PDE1C: variants seen among roughly 807,000 people sequenced by gnomAD.
The protein encoded by PDE1C is dual specificity calcium/calmodulin-dependent 3',5'-cyclic nucleotide phosphodiesterase 1C.
Under a neutral mutation model 93.1 loss-of-function variants are expected in PDE1C, and 62 were observed. That is an observed-to-expected ratio of 0.67 (90% CI 0.54 to 0.82). PDE1C has a LOEUF of 0.82. PDE1C is among the 40% of genes least tolerant of loss of function. The pLI, the probability that PDE1C is intolerant of heterozygous loss-of-function variation, is 0.00. For synonymous variants in PDE1C, 325 were observed against 310.1 expected, an observed-to-expected ratio of 1.05 and a Z score of -0.50; for missense variants, 742 against 884.6, an observed-to-expected ratio of 0.84 and a Z score of 2.04.
At chr7:31,959,702 T>C (rs1808650483) in intron 2 of PDE1C, among the ~76,000 whole-genome samples, 1 of 152,152 alleles carries the variant, frequency 6.6e-6, no homozygotes, top group Non-Finnish European at 1.5e-5. Flanking sequence ...AAATAAAGTT[T>C]CCAATTGTTT....
chr7:31,652,003 T>G, the PDE1C span: 1 of 1,605,750 alleles, frequency 6.2e-7, no homozygotes, highest in Non-Finnish European at 8.5e-7. Flanking sequence ...AGAGTTGGAA[T>G]TTCAGTTAGG....
intron 2 of PDE1C, among the ~76,000 whole-genome samples, chr7:31,890,815 A>G (rs1401096894): frequency 1.3e-5 from 2 of 151,510 alleles, no homozygotes; most frequent in Non-Finnish European, 2.9e-5. Context: ...AAGAAAAATT[A>G]TAGGAAAAAA....
intron 16 of PDE1C, among the ~76,000 whole-genome samples, chr7:31,792,538 C>T (rs1784706591): frequency 6.6e-6 from 1 of 151,950 alleles, no homozygotes; most frequent in Non-Finnish European, 1.5e-5. Flanking sequence ...TATGATATGT[C>T]AAAATATTTA....
chr7:31,929,445 A>G (rs1803891431), intron 2 of PDE1C, among the ~76,000 whole-genome samples: 1 of 152,190 alleles, frequency 6.6e-6, no homozygotes. Context: ...GACCTAATAG[A>G]CATCTACAAA....
chr7:32,290,279 G>C (rs901944431), intron 1 of PDE1C, among the ~76,000 whole-genome samples: 1 of 152,194 alleles, frequency 6.6e-6, no homozygotes, highest in African/African-American at 2.4e-5. Flanking sequence ...CAGACTTGCA[G>C]CCGTGCCAGA....
chr7:31,929,522 G>A (rs149357092), intron 2 of PDE1C, among the ~76,000 whole-genome samples: 2 of 151,996 alleles, frequency 1.3e-5, no homozygotes, highest in East Asian at 1.9e-4. Context: ...TCCTAAAATC[G>A]ACCATATATT....
chr7:31,937,015 C>T (rs1805178344), intron 2 of PDE1C, among the ~76,000 whole-genome samples: 1 of 152,090 alleles, frequency 6.6e-6, no homozygotes, highest in South Asian at 2.1e-4. Context: ...GGGGTGCTTC[C>T]AGGTCATAGG....
chr7:31,998,544 T>C (rs1401320347), intron 2 of PDE1C, among the ~76,000 whole-genome samples: 1 of 152,202 alleles, frequency 6.6e-6, no homozygotes. Flanking sequence ...ACTATAAGTT[T>C]ATATTAGTGA....
In PDE1C at chr7:32,260,142, G is replaced by A. The variant is rs574544556; in HGVS notation, c.85+38509C>T. On this transcript the variant is annotated intron_variant, in intron 1 of 18. Coordinates refer to the PDE1C transcript ENST00000396193. ...GGAGACTTCAGTGTTTAGGGTTTTG[G>A]CTTCAGGTTCTGACTCAAAGCAGAA... Among the ~76,000 whole-genome samples, 4 of 152,288 alleles carry A rather than the reference G, an allele frequency of 2.6e-5. No homozygotes were observed. In the South Asian group the frequency reaches 8.3e-4, roughly 32 times the overall value.
chr7:31,753,583 C>T lies in PDE1C; in HGVS notation c.1961-30G>A, dbSNP rs537966020. The T allele has an allele frequency of 7.7e-5, 123 of 1,595,636 alleles. 3 individuals carry two copies. In the South Asian group the frequency reaches 9.3e-4, roughly 12 times the overall value. On this transcript the variant is annotated intron_variant, in intron 17 of 17. Coordinates refer to ENST00000396191, the MANE Select transcript of PDE1C (RefSeq NM_001191057.4). The stretch of plus-strand genomic sequence containing the variant: ...CGGCCATGGAAAGGAAGACAGACAA[C>T]GGTTAGCCTCACCCACGACATGCCA...
intron 17 of PDE1C, among the ~76,000 whole-genome samples, chr7:31,763,789 CT>C (rs1794974825): frequency 6.6e-6 from 1 of 151,944 alleles, no homozygotes; most frequent in Non-Finnish European, 1.5e-5. Flanking sequence ...GGTGGATCTT[CT>C]TATTACAATA....
chr7:31,667,073 C>T, the PDE1C span, among the ~76,000 whole-genome samples: 5 of 151,890 alleles, frequency 3.3e-5, no homozygotes, highest in East Asian at 1.9e-4. Flanking sequence ...GACATGGATA[C>T]GGGGCAGGGG....
intron 16 of PDE1C, among the ~76,000 whole-genome samples, chr7:31,795,083 T>C (rs1013389971): frequency 2.6e-5 from 4 of 151,858 alleles, no homozygotes; most frequent in Non-Finnish European, 5.9e-5. Context: ...TGCCCATCAG[T>C]GGAGAATGCT....
At chr7:32,106,832 T>C (rs898774978) in intron 3 of PDE1C, among the ~76,000 whole-genome samples, 2 of 151,746 alleles carry the variant, frequency 1.3e-5, no homozygotes, top group Admixed American at 6.6e-5. Context: ...AGTAATAAAG[T>C]ATAAAAAACA....
chr7:32,288,320 A>C lies in PDE1C; in HGVS notation c.85+10331T>G, dbSNP rs149846063. On this transcript the variant is annotated intron_variant, in intron 1 of 18. Coordinates refer to the PDE1C transcript ENST00000396193. The stretch of plus-strand genomic sequence containing the variant: ...TGATGTTTGGGAAAGTGCTTTACCA[A>C]TAGTAAAGCCTCTCATTATCATCAG... 4.0e-3 allele frequency among the ~76,000 whole-genome samples: 605 copies of C among 152,306 alleles called. 5 individuals are homozygous for C. Among genetic ancestry groups the C allele is most frequent in the African/African-American group, 0.014 (576 of 41,558 alleles).
the PDE1C span, among the ~76,000 whole-genome samples, chr7:31,679,741 T>G: frequency 6.6e-6 from 1 of 152,214 alleles, no homozygotes; most frequent in Non-Finnish European, 1.5e-5. Context: ...TATTACCATC[T>G]GGTAGCTGGC....
At chr7:32,310,741 G>A (rs1455935597) in intron 1 of PDE1C, among the ~76,000 whole-genome samples, 59 of 151,706 alleles carry the variant, frequency 3.9e-4, no homozygotes, top group African/African-American at 1.1e-3. Context: ...TCTCTGGGAC[G>A]CATTCAAAGC....
chr7:31,658,420 A>G, the PDE1C span: 1 of 1,477,522 alleles, frequency 6.8e-7, no homozygotes, highest in Non-Finnish European at 8.9e-7. Context: ...GAAAATAATC[A>G]GTTTCCAGAG....
rs143165648 is a variant in PDE1C, at chr7:32,374,358, A to T, written c.310+53464T>A. ...TCTCCCTTTGAATCTGGGTAGACTT[A>T]CGACTCATTTGATCAATATAGTATG... On this transcript the variant is annotated intron_variant, in intron 1 of 1. Transcript: ENST00000672256. Among the ~76,000 whole-genome samples the T allele has an allele frequency of 3.2e-3, 493 of 152,320 alleles. 12 individuals carry two copies. The highest frequency in any genetic ancestry group is 0.011 in the African/African-American group (472 of 41,570).
Sources: gnomAD v4.1 joint callset for allele counts (sites outside exome capture counted in the v4.1 genomes callset) on GRCh38, gnomAD v4.1.1 for gene constraint, MANE v1.5 for transcripts, NCBI Gene and HGNC (gene_info 2026-07-23, HGNC 2026-07-21) for gene names.